MEIOC: variants seen among roughly 807,000 people sequenced by gnomAD.
MEIOC encodes meiosis-specific coiled-coil domain-containing protein MEIOC.
Under a neutral mutation model 85.3 loss-of-function variants are expected in MEIOC, and 9 were observed. The ratio of observed to expected loss-of-function variants is 0.11; its 90% CI spans 0.06 to 0.18. The LOEUF (loss-of-function observed/expected upper bound fraction) is 0.18, where lower values mean the gene tolerates loss of function less well. MEIOC is among the 10% of genes least tolerant of loss of function. The pLI is 1.00. For missense variants in MEIOC, 898 were observed against 1,129.4 expected (o/e 0.80, Z 2.94); for synonymous variants, 365 against 393.7 (o/e 0.93, Z 0.86).
chr17:44,665,398 G>T lies in MEIOC; in HGVS notation c.374G>T (p.Arg125Ile), dbSNP rs1971890955. ...ISIKNRIQTE[R>I]NDYGSETDLY... The stretch of plus-strand genomic sequence containing the variant: ...TTTATTTTTAGGATTCAAACAGAAA[G>T]AAATGACTATGGCAGTGAAACAGAC... The change falls in exon 4 of 8, where the codon AGA (arginine) becomes ATA (isoleucine). Residue 125 changes from arginine (R) to isoleucine (I), a missense_variant. By Grantham distance (97) the Arg-to-Ile change is moderately conservative. Around this residue, in one of 2 missense-constraint regions of MEIOC, gnomAD observed 734 missense variants for 860.1 expected, o/e 0.85. Transcript: ENST00000409122. 6.5e-7 allele frequency: 1 copy of T among 1,536,570 alleles called. No homozygotes were observed. Among genetic ancestry groups the T allele is most frequent in the African/African-American group, 1.4e-5 (1 of 72,796 alleles).
chr17:44,658,527 G>C (rs2144655520), intron 2 of MEIOC, among the ~76,000 whole-genome samples: 2 of 151,336 alleles, frequency 1.3e-5, no homozygotes, highest in African/African-American at 4.8e-5. Flanking sequence ...GGGCGCCATG[G>C]CTCGTGCCTG....
intron 5 of MEIOC, 129 bp downstream of exon 5, chr17:44,668,362 G>C: frequency 1.1e-6 from 1 of 896,734 alleles, no homozygotes; most frequent in Non-Finnish European, 1.6e-6. Context: ...GTTTTAAAGA[G>C]ACAGAGTCTC....
chr17:44,665,248 G>C (rs1971889162), intron 3 of MEIOC, 136 bp from the exon 4 acceptor site: 1 of 885,364 alleles, frequency 1.1e-6, no homozygotes, highest in African/African-American at 1.7e-5. Context: ...ATATTCTTGA[G>C]TTCTAGTCTC....
In MEIOC at chr17:44,670,270, AAAAAAAAAG is replaced by A. The variant is rs1259985277; in HGVS notation, c.2457+762_2457+770del. The A allele has an allele frequency of 1.5e-4, 22 of 150,290 alleles. 1 individual carries two copies. Among genetic ancestry groups the A allele is most frequent in the South Asian group, 4.2e-4 (2 of 4,762 alleles). 9.3% of individuals were successfully genotyped at this position (150,290 alleles called of 1,614,324 possible). ...AGAGCAAGATCTTGTCTCAAAAAAA[AAAAAAAAAG>A]AAAAAAAAAGAAAAAGGAACGGGAA... is the stretch of plus-strand genomic sequence containing the variant. On this transcript the variant is annotated intron_variant, in intron 6 of 7. Coordinates refer to ENST00000409122, the MANE Select transcript of MEIOC (RefSeq NM_001145080.3).
chr17:44,669,550 T>G, intron 6 of MEIOC, 33 bp downstream of exon 6: 1 of 1,548,332 alleles, frequency 6.5e-7, no homozygotes, highest in Non-Finnish European at 8.7e-7. Flanking sequence ...AGTGGATGGA[T>G]TTTTTGTTAA....
rs376503425 is a variant in MEIOC at position 44,667,528 on chromosome 17, C to T, written c.1617C>T (p.Asn539=). The T allele has an allele frequency of 6.2e-7, 1 of 1,613,682 alleles. No individual in the cohort carries two copies. The highest frequency in any genetic ancestry group is 8.5e-7 in the Non-Finnish European group (1 of 1,179,818). Residue 539 remains asparagine (N), a synonymous_variant, in exon 5 of 8, where the codon AAC becomes AAT. Transcript: ENST00000409122. ...SNLFQKYCQE[N]PSAFSSFDFS... ...TATTTCAGAAATATTGCCAAGAAAA[C>T]CCTTCAGCATTTTCTAGTTTTGATT...
chr17:44,658,882 T>C (rs1971807789), intron 2 of MEIOC, among the ~76,000 whole-genome samples: 3 of 152,050 alleles, frequency 2.0e-5, no homozygotes, highest in African/African-American at 7.2e-5. Context: ...ATAACATAAT[T>C]CCAGAAATGT....
chr17:44,657,789 G>A (rs1971785921), intron 2 of MEIOC, among the ~76,000 whole-genome samples: 1 of 152,046 alleles, frequency 6.6e-6, no homozygotes, highest in African/African-American at 2.4e-5. Flanking sequence ...CCAACCTCGG[G>A]TGATCCGCGC....
rs1971937530 is a variant in MEIOC at position 44,668,080 on chromosome 17, TATG to T, written c.2173_2175del (p.Met725del). 1 of 1,613,584 alleles carries T rather than the reference TATG, an allele frequency of 6.2e-7. No homozygotes were observed. Among genetic ancestry groups the T allele is most frequent in the Non-Finnish European group, 8.5e-7 (1 of 1,179,612 alleles). On this transcript the variant is annotated inframe_deletion, in exon 5 of 8. Coordinates refer to ENST00000409122, the MANE Select transcript of MEIOC (RefSeq NM_001145080.3). ...TAAGCCATTTGTACCCTTATTTTAA[TATG>T]ATGTATGGTGATAATTCTTTTTCTG...
chr17:44,675,785 T>C lies in MEIOC; in HGVS notation c.*1589T>C. On this transcript the variant is annotated 3_prime_UTR_variant, in exon 8 of 8. Coordinates refer to ENST00000409122, the MANE Select transcript of MEIOC (RefSeq NM_001145080.3). ...AATTTAGTCTCAGGAAAAAAATAAA[T>C]TACTTTGTTGAAAACATTTGGTTTC... 1 of 939,980 alleles carries C rather than the reference T, an allele frequency of 1.1e-6. No individual in the cohort carries two copies. The highest frequency in any genetic ancestry group is 1.3e-6 in the Non-Finnish European group (1 of 788,704). The allele number at this position is 939,980 out of a possible 1,614,324, so 58.2% of individuals were successfully genotyped here. A position where few individuals can be genotyped will look rare whatever the true frequency, so the allele number is the denominator to read the frequency against.
rs982767803 is a variant in MEIOC at position 44,662,390 on chromosome 17, C to A, written c.278C>A (p.Ser93Tyr). Reference sequence around the variant, plus strand: ...ACAGAATATTCAAGTTCTGTAGATTCTTCACTTTTCTGTGCACCATGGTCT... The same window carrying A: ...ACAGAATATTCAAGTTCTGTAGATTATTCACTTTTCTGTGCACCATGGTCT... Reference protein sequence around the residue: ...SSTEYSSSVDSSLFCAPWSTY... With the variant: ...SSTEYSSSVDYSLFCAPWSTY... Residue 93 changes from serine (S) to tyrosine (Y), a missense_variant, in exon 3 of 8, where the codon TCT becomes TAT. By Grantham distance (144) the Ser-to-Tyr change is moderately radical. Coordinates refer to ENST00000409122, the MANE Select transcript of MEIOC (RefSeq NM_001145080.3). 1.9e-6 allele frequency: 3 copies of A among 1,549,022 alleles called. No individual in the cohort carries two copies. The highest frequency in any genetic ancestry group is 1.7e-4 in the Middle Eastern group (1 of 5,982).
At chr17:44,656,934 G>C (rs1971766310) in intron 1 of MEIOC, among the ~76,000 whole-genome samples, 193 bp from the exon 2 acceptor site, 1 of 151,952 alleles carries the variant, frequency 6.6e-6, no homozygotes. Context: ...GGCGCCCCTC[G>C]GGGTCAGCAC....
Position 44,674,907 on chromosome 17 carries a change from T to C in MEIOC, c.*711T>C. Reference sequence around the variant, plus strand: ...GTATATTCTTTAAATTTTAATTATATTATCAATTGTTAAATGTTTCCAATT... The same window carrying C: ...GTATATTCTTTAAATTTTAATTATACTATCAATTGTTAAATGTTTCCAATT... On this transcript the variant is annotated 3_prime_UTR_variant, in exon 8 of 8. Coordinates refer to ENST00000409122, the MANE Select transcript of MEIOC (RefSeq NM_001145080.3). 1 of 964,972 alleles carries C rather than the reference T, an allele frequency of 1.0e-6. No individual in the cohort carries two copies. The highest frequency in any genetic ancestry group is 1.2e-6 in the Non-Finnish European group (1 of 811,366). 59.8% of individuals were successfully genotyped at this position (964,972 alleles called of 1,614,324 possible). A position where few individuals can be genotyped will look rare whatever the true frequency, so the allele number is the denominator to read the frequency against.
In MEIOC at chr17:44,656,696, A is replaced by AAGGGCAGGGTCCAGGGGGC; in HGVS notation, c.69+15_69+33dup. ...GAAGGACTTGAGGTAATGGATGAGG[A>AAGGGCAGGGTCCAGGGGGC]AGGGCAGGGTCCAGGGGGCGGCCAG... On this transcript the variant is annotated intron_variant, in intron 1 of 7. Coordinates refer to ENST00000409122, the MANE Select transcript of MEIOC (RefSeq NM_001145080.3). The AAGGGCAGGGTCCAGGGGGC allele has an allele frequency of 6.7e-7, 1 of 1,487,730 alleles. No individual in the cohort carries two copies. The highest frequency in any genetic ancestry group is 8.9e-7 in the Non-Finnish European group (1 of 1,118,938). The allele number at this position is 1,487,730 out of a possible 1,614,324, so 92.2% of individuals were successfully genotyped here. A position where few individuals can be genotyped will look rare whatever the true frequency, so the allele number is the denominator to read the frequency against.
Position 44,675,792 on chromosome 17 carries a change from G to A in MEIOC, c.*1596G>A, listed in dbSNP as rs1972068016. 38 of 931,308 alleles carry A rather than the reference G, an allele frequency of 4.1e-5. No individual in the cohort carries two copies. The highest frequency in any genetic ancestry group is 4.7e-5 in the Non-Finnish European group (37 of 780,922). The allele number at this position is 931,308 out of a possible 1,614,324, so 57.7% of individuals were successfully genotyped here. ...TCTCAGGAAAAAAATAAATTACTTT[G>A]TTGAAAACATTTGGTTTCATTTTTC... On this transcript the variant is annotated 3_prime_UTR_variant, in exon 8 of 8. Transcript: ENST00000409122.
intron 1 of MEIOC, 115 bp downstream of exon 1, chr17:44,656,797 G>A: frequency 1.6e-6 from 1 of 640,564 alleles, no homozygotes; most frequent in Non-Finnish European, 2.4e-6. Context: ...GCGGGTCGTC[G>A]GTGGGGAGGC....
chr17:44,674,019 T>C lies in MEIOC; in HGVS notation c.2682T>C (p.Ala894=). 6.4e-7 allele frequency: 1 copy of C among 1,551,748 alleles called. No individual in the cohort carries two copies. The highest frequency in any genetic ancestry group is 8.7e-7 in the Non-Finnish European group (1 of 1,147,006). Residue 894 remains alanine, a synonymous_variant, in exon 8 of 8, where the codon GCT becomes GCC. Coordinates refer to ENST00000409122, the MANE Select transcript of MEIOC (RefSeq NM_001145080.3). The part of the protein sequence containing the change: ...LASAIKEMCV[A]TRKTRTALWC... ...CTGCAATTAAAGAGATGTGTGTGGCTACTCGGAAAACACGCACTGCCCTGT... is the reference window on the plus strand; with the variant it reads ...CTGCAATTAAAGAGATGTGTGTGGCCACTCGGAAAACACGCACTGCCCTGT...
At chr17:44,661,556 A>T (rs1047270209) in intron 2 of MEIOC, among the ~76,000 whole-genome samples, 1 of 151,944 alleles carries the variant, frequency 6.6e-6, no homozygotes. Context: ...ACTGAAATTT[A>T]TTTATTTATT....
chr17:44,660,686 AG>A (rs1219718939), intron 2 of MEIOC, among the ~76,000 whole-genome samples: 2 of 152,186 alleles, frequency 1.3e-5, no homozygotes, highest in East Asian at 3.8e-4. Flanking sequence ...TCTTTAAGGA[AG>A]CATTTTCTAG....
Sources: gnomAD v4.1 joint callset for allele counts (sites outside exome capture counted in the v4.1 genomes callset) on GRCh38, gnomAD v4.1.1 for gene constraint, gnomAD v4.1.1 regional missense constraint, MANE v1.5 for transcripts, NCBI Gene and HGNC (gene_info 2026-07-23, HGNC 2026-07-21) for gene names.